The following ATP6V0A4 variants were observed in gnomAD, a reference collection of about 807,000 sequenced individuals.
ATP6V0A4 encodes ATPase H+ transporting V0 subunit a4.
In ATP6V0A4, 86 loss-of-function variants were observed where a neutral mutation model predicts 107.3. That is an observed-to-expected ratio of 0.80 (90% CI 0.67 to 0.96). The LOEUF (loss-of-function observed/expected upper bound fraction) is 0.96. ATP6V0A4 is among the 40% of genes least tolerant of loss of function. ATP6V0A4 has a pLI of 0.00. For missense variants in ATP6V0A4, 908 were observed against 1,045.6 expected, an observed-to-expected ratio of 0.87 and a Z score of 1.81; for synonymous variants, 353 against 381.4, an observed-to-expected ratio of 0.93 and a Z score of 0.87.
intron 1 of ATP6V0A4, 178 bp downstream of exon 1, chr7:138,797,856 G>T (rs957189464): frequency 5.3e-6 from 4 of 760,682 alleles, no homozygotes; most frequent in East Asian, 3.0e-5. Flanking sequence ...GAAGGGCACA[G>T]CTTGCCCCTC....
intron 1 of ATP6V0A4, among the ~76,000 whole-genome samples, chr7:138,797,670 C>G (rs981421476): frequency 6.6e-6 from 1 of 152,120 alleles, no homozygotes; most frequent in African/African-American, 2.4e-5. Context: ...CAGCAGGTAT[C>G]TCCCAACTTC....
intron 1 of ATP6V0A4, among the ~76,000 whole-genome samples, chr7:138,789,250 G>T (rs1462093809): frequency 6.6e-6 from 1 of 151,010 alleles, no homozygotes; most frequent in Non-Finnish European, 1.5e-5. Context: ...TGTTGTTTTT[G>T]TCTTTTTTTC....
At chr7:138,756,430 G>C in intron 9 of ATP6V0A4, 28 bp downstream of exon 9, 1 of 1,613,250 alleles carries the variant, frequency 6.2e-7, no homozygotes, top group Non-Finnish European at 8.5e-7. Context: ...CCAAATCACT[G>C]AAGAAAGAGC....
chr7:138,785,080 C>G (rs1276759541), intron 2 of ATP6V0A4, among the ~76,000 whole-genome samples: 1 of 152,060 alleles, frequency 6.6e-6, no homozygotes, highest in Non-Finnish European at 1.5e-5. Context: ...TAGAAAATGA[C>G]AAAGGATAAA....
intron 7 of ATP6V0A4, among the ~76,000 whole-genome samples, chr7:138,761,186 A>T (rs1339586460): frequency 1.3e-5 from 2 of 152,110 alleles, no homozygotes; most frequent in African/African-American, 4.8e-5. Flanking sequence ...AAAATTTTTT[A>T]AAAATTAGCC....
At chr7:138,723,326 A>C (rs545336877) in intron 18 of ATP6V0A4, among the ~76,000 whole-genome samples, 2 of 152,274 alleles carry the variant, frequency 1.3e-5, no homozygotes, top group South Asian at 4.1e-4. Flanking sequence ...AAAATAGCTT[A>C]GGAAAAATTC....
intron 13 of ATP6V0A4, among the ~76,000 whole-genome samples, chr7:138,746,966 G>A (rs1805982181): frequency 6.6e-6 from 1 of 152,160 alleles, no homozygotes. Context: ...AAATACTCAT[G>A]ATATTTTAAG....
intron 1 of ATP6V0A4, among the ~76,000 whole-genome samples, chr7:138,789,229 T>TG (rs61299709): frequency 0.1 from 15,645 of 151,426 alleles, 1,033 homozygotes; most frequent in African/African-American, 0.18. Context: ...GGGGTTTTTT[T>TG]TTGTTGTTGT....
At chr7:138,749,043 C>T in intron 12 of ATP6V0A4, 124 bp downstream of exon 12, 1 of 1,285,004 alleles carries the variant, frequency 7.8e-7, no homozygotes, top group South Asian at 1.2e-5. Context: ...CTGATTCCCA[C>T]AGCTACTACC....
At position 138,742,965 on chromosome 7, in the gene ATP6V0A4, A is replaced by AT. The variant is rs531845638; in HGVS notation, c.1478+2157dup. Among the ~76,000 whole-genome samples, 108 of 149,604 alleles carry AT rather than the reference A, an allele frequency of 7.2e-4. 1 individual carries two copies. The highest frequency in any genetic ancestry group is 6.3e-4 in the South Asian group (3 of 4,742). On this transcript the variant is annotated intron_variant, in intron 14 of 21. Coordinates refer to ENST00000310018, the MANE Select transcript of ATP6V0A4 (RefSeq NM_020632.3). ...CATTCCAGAAAACGTTTTATCCTTC[A>AT]TTTTTCTATATTTTTGTTTTTCTAT...
chr7:138,712,880 G>C (rs1803817620), intron 20 of ATP6V0A4, among the ~76,000 whole-genome samples: 1 of 152,142 alleles, frequency 6.6e-6, no homozygotes, highest in Non-Finnish European at 1.5e-5. Flanking sequence ...TGGGGTTAGA[G>C]CTGAAGACCA....
chr7:138,706,770 G>C lies in ATP6V0A4; in HGVS notation c.2430-53C>G. ...AGAAATGGGAGATTGAAACACATCA[G>C]TTAGAGGCTGGAAGGTGGAGGGAAG... On this transcript the variant is annotated intron_variant, in intron 21 of 21. Coordinates refer to ENST00000310018, the MANE Select transcript of ATP6V0A4 (RefSeq NM_020632.3). The C allele has an allele frequency of 4.4e-6, 7 of 1,603,690 alleles. No homozygotes were observed. In the Admixed American group the frequency reaches 8.4e-5, roughly 19 times the overall value.
At chr7:138,759,674 T>G in intron 8 of ATP6V0A4, 78 bp downstream of exon 8, 1 of 1,467,024 alleles carries the variant, frequency 6.8e-7, no homozygotes. Flanking sequence ...AGATCCCCCA[T>G]GTTTTGGGAG....
rs1159656902 is a variant in ATP6V0A4, at chr7:138,747,574, G to A, written c.1181-10C>T. ...ATGATGGTGTAGGGGGCTGCGGAGG[G>A]GAGACACACAACGCCTGAGGCCTCA... On this transcript the variant is annotated splice_polypyrimidine_tract_variant and intron_variant, in intron 12 of 21. Coordinates refer to ENST00000310018, the MANE Select transcript of ATP6V0A4 (RefSeq NM_020632.3). 1 of 1,613,768 alleles carries A rather than the reference G, an allele frequency of 6.2e-7. No homozygotes were observed. The highest frequency in any genetic ancestry group is 8.5e-7 in the Non-Finnish European group (1 of 1,179,928).
Position 138,759,823 on chromosome 7 carries a change from A to G in ATP6V0A4, c.568T>C (p.Trp190Arg). The change falls in exon 8 of 22, where the codon TGG (tryptophan) becomes CGG (arginine). Residue 190 changes from tryptophan (W) to arginine (R), a missense_variant. Coordinates refer to ENST00000310018, the MANE Select transcript of ATP6V0A4 (RefSeq NM_020632.3). ...TACACGTTTCCTCGGCAGATTCGCC[A>G]CAGTAACCGCTCAAAGGAAGCCATC... ...ERMASFERLL[W>R]RICRGNVYLK... The G allele has an allele frequency of 1.2e-6, 2 of 1,614,144 alleles. No individual in the cohort carries two copies. Among genetic ancestry groups the G allele is most frequent in the South Asian group, 1.1e-5 (1 of 91,072 alleles).
chr7:138,754,801 T>C (rs1806425627), intron 10 of ATP6V0A4, among the ~76,000 whole-genome samples: 1 of 152,094 alleles, frequency 6.6e-6, no homozygotes, highest in East Asian at 1.9e-4. Flanking sequence ...CTAGTGTTTG[T>C]ATTTTTAGTA....
At chr7:138,778,485 A>G (rs1807773297) in intron 2 of ATP6V0A4, among the ~76,000 whole-genome samples, 1 of 152,068 alleles carries the variant, frequency 6.6e-6, no homozygotes, top group Admixed American at 6.6e-5. Context: ...TCTGAAATCT[A>G]AAACACTTCT....
chr7:138,748,738 A>T (rs186894140), intron 12 of ATP6V0A4, among the ~76,000 whole-genome samples: 2 of 152,240 alleles, frequency 1.3e-5, no homozygotes, highest in African/African-American at 2.4e-5. Flanking sequence ...AGGTAGCAAG[A>T]TTCCACAGCT....
At chr7:138,786,943 T>A (rs1330120089) in intron 1 of ATP6V0A4, among the ~76,000 whole-genome samples, 1 of 152,260 alleles carries the variant, frequency 6.6e-6, no homozygotes, top group African/African-American at 2.4e-5. Context: ...ATGTACTATC[T>A]TGTTTCTCTT....
Sources: allele counts gnomAD v4.1 joint callset (sites outside exome capture counted in the v4.1 genomes callset), GRCh38; gene constraint gnomAD v4.1.1; transcripts MANE v1.5; gene names NCBI Gene and HGNC (gene_info 2026-07-23, HGNC 2026-07-21).